The following CCDC192 variants were observed in gnomAD, a reference collection of about 807,000 sequenced individuals.
The protein encoded by CCDC192 is coiled-coil domain-containing protein 192.
At chr5:127,916,209 G>A (rs1037639045) in intron 6 of CCDC192, among the ~76,000 whole-genome samples, 1 of 152,178 alleles carries the variant, frequency 6.6e-6, no homozygotes, top group African/African-American at 2.4e-5. Flanking sequence ...ATTCATTGAG[G>A]TTTTATCATG....
At chr5:127,787,428 G>A (rs1367191994) in intron 3 of CCDC192, among the ~76,000 whole-genome samples, 1 of 152,156 alleles carries the variant, frequency 6.6e-6, no homozygotes, top group African/African-American at 2.4e-5. Flanking sequence ...TGTATGCTAT[G>A]TTTTGTCTTC....
At chr5:127,711,144 G>A (rs1751309585) in intron 2 of CCDC192, among the ~76,000 whole-genome samples, 1 of 152,146 alleles carries the variant, frequency 6.6e-6, no homozygotes, top group Non-Finnish European at 1.5e-5. Flanking sequence ...ATAGAAATAA[G>A]CAATGTAAAA....
intron 5 of CCDC192, among the ~76,000 whole-genome samples, chr5:127,819,512 C>G (rs1293694994): frequency 6.6e-6 from 1 of 151,862 alleles, no homozygotes; most frequent in African/African-American, 2.4e-5. Context: ...TATATGTTAT[C>G]TTTTTTGAGT....
At chr5:127,939,821 G>T (rs1472991335) in intron 6 of CCDC192, among the ~76,000 whole-genome samples, 2 of 152,116 alleles carry the variant, frequency 1.3e-5, no homozygotes, top group African/African-American at 2.4e-5. Context: ...GAAGCTGTGA[G>T]ATTTGTTTTC....
At chr5:127,919,011 AT>A (rs1201960200) in intron 6 of CCDC192, among the ~76,000 whole-genome samples, 2 of 146,000 alleles carry the variant, frequency 1.4e-5, no homozygotes, top group African/African-American at 2.5e-5. Context: ...GTGTATGTAT[AT>A]ATGTGTGTGT....
intron 2 of CCDC192, among the ~76,000 whole-genome samples, chr5:127,750,422 T>C (rs1429212175): frequency 2.6e-5 from 4 of 152,186 alleles, no homozygotes; most frequent in South Asian, 2.1e-4. Context: ...AGTTGAGGGG[T>C]TTTGAGTGAG....
chr5:127,729,715 C>T (rs963903816), intron 2 of CCDC192, among the ~76,000 whole-genome samples: 1 of 152,152 alleles, frequency 6.6e-6, no homozygotes, highest in African/African-American at 2.4e-5. Context: ...GATTAGGAAA[C>T]TCACTGAGAA....
chr5:127,927,937 C>CT (rs1271788889), intron 6 of CCDC192, among the ~76,000 whole-genome samples: 1,584 of 117,682 alleles, frequency 0.013, 20 homozygotes, highest in South Asian at 0.037. Flanking sequence ...TCTTATAGTT[C>CT]TTTTTTTTTT....
At chr5:127,756,400 G>A (rs1754596373) in intron 3 of CCDC192, among the ~76,000 whole-genome samples, 1 of 152,160 alleles carries the variant, frequency 6.6e-6, no homozygotes, top group Admixed American at 6.5e-5. Flanking sequence ...ACGGGGAGGG[G>A]CCCGGGAAGT....
At chr5:127,752,070 G>A (rs996751992) in intron 2 of CCDC192, among the ~76,000 whole-genome samples, 12 of 152,078 alleles carry the variant, frequency 7.9e-5, no homozygotes, top group African/African-American at 1.4e-4. Flanking sequence ...ACGTCCTCCC[G>A]TAGCTCAGAG....
chr5:127,855,166 A>G (rs1751010524), intron 5 of CCDC192, among the ~76,000 whole-genome samples: 1 of 152,190 alleles, frequency 6.6e-6, no homozygotes, highest in East Asian at 1.9e-4. Flanking sequence ...ATTCTGTAGT[A>G]TGCCACACTA....
intron 5 of CCDC192, among the ~76,000 whole-genome samples, chr5:127,849,448 A>G (rs919428724): frequency 6.6e-6 from 1 of 152,132 alleles, no homozygotes; most frequent in Non-Finnish European, 1.5e-5. Flanking sequence ...CCTCTGTTCA[A>G]GAGAATGTCT....
At chr5:127,805,409 G>A (rs941089121) in intron 5 of CCDC192, among the ~76,000 whole-genome samples, 10 of 152,164 alleles carry the variant, frequency 6.6e-5, no homozygotes, top group Admixed American at 3.3e-4. Flanking sequence ...TTTTAAAGCC[G>A]AATTTCACTT....
chr5:127,737,065 T>G (rs373751063), intron 2 of CCDC192, among the ~76,000 whole-genome samples: 1 of 151,652 alleles, frequency 6.6e-6, no homozygotes, highest in East Asian at 1.9e-4. Flanking sequence ...TTGTGGGCAT[T>G]TACTGCTATA....
At chr5:127,707,607 G>A (rs183908244) in intron 1 of CCDC192, 102 bp from the exon 2 acceptor site, 2 of 389,676 alleles carry the variant, frequency 5.1e-6, no homozygotes, top group African/African-American at 4.1e-5. Flanking sequence ...TATTTTAAAT[G>A]TTACAGTGTA....
rs948723502 is a variant in CCDC192 at position 127,923,473 on chromosome 5, A to G, written c.536-17709A>G. On this transcript the variant is annotated intron_variant, in intron 6 of 6. Transcript: ENST00000514853. Reference sequence around the variant, plus strand: ...GCTCACTGCAAGCTCCGCCTCCCGGATTCACGCCATTCTCCTGCCTCAGCC... The same window carrying G: ...GCTCACTGCAAGCTCCGCCTCCCGGGTTCACGCCATTCTCCTGCCTCAGCC... 1.3e-4 allele frequency among the ~76,000 whole-genome samples: 20 copies of G among 149,854 alleles called. 1 individual carries two copies. The highest frequency in any genetic ancestry group is 1.2e-3 in the East Asian group (6 of 5,062).
intron 3 of CCDC192, among the ~76,000 whole-genome samples, chr5:127,794,048 G>A (rs1392427826): frequency 6.6e-6 from 1 of 152,178 alleles, no homozygotes; most frequent in Non-Finnish European, 1.5e-5. Flanking sequence ...CTGTGGGATA[G>A]CTGTAGTAGC....
chr5:127,752,424 C>A (rs964234381), intron 2 of CCDC192, among the ~76,000 whole-genome samples: 6 of 152,100 alleles, frequency 3.9e-5, no homozygotes, highest in African/African-American at 1.4e-4. Flanking sequence ...TTAGGCTGCT[C>A]GGGGGTCAGG....
intron 6 of CCDC192, among the ~76,000 whole-genome samples, chr5:127,897,984 T>C (rs1402146227): frequency 3.9e-5 from 6 of 152,230 alleles, no homozygotes; most frequent in African/African-American, 1.4e-4. Context: ...AGTGCTCACT[T>C]TGGCTTTATG....
Sources: gnomAD v4.1 joint callset for allele counts (sites outside exome capture counted in the v4.1 genomes callset) on GRCh38, gnomAD v4.1.1 for gene constraint, MANE v1.5 for transcripts, NCBI Gene and HGNC (gene_info 2026-07-23, HGNC 2026-07-21) for gene names.